Variants in TRAPPC9 observed in about 807,000 individuals in gnomAD.
The protein encoded by TRAPPC9 is IKK2 binding protein.
In TRAPPC9, 83 loss-of-function variants were observed where a neutral mutation model predicts 124.0. The observed-to-expected ratio is 0.67, with a 90% CI of 0.56 to 0.80. TRAPPC9 has a LOEUF of 0.80. TRAPPC9 is among the 30% of genes least tolerant of loss of function. The pLI, the probability that TRAPPC9 is intolerant of heterozygous loss-of-function variation, is 0.00. For missense variants in TRAPPC9, 1,302 were observed against 1,508.3 expected, an observed-to-expected ratio of 0.86 and a Z score of 2.27; for synonymous variants, 638 against 617.5, an observed-to-expected ratio of 1.03 and a Z score of -0.49.
intron 9 of TRAPPC9, among the ~76,000 whole-genome samples, chr8:140,356,541 C>T (rs980702968): frequency 3.3e-5 from 5 of 150,774 alleles, no homozygotes; most frequent in Non-Finnish European, 7.4e-5. Flanking sequence ...CAAACTCCAA[C>T]AGAAAAACAC....
At chr8:140,033,688 T>TTTTTTTTTTTTG (rs1840692085) in intron 17 of TRAPPC9, among the ~76,000 whole-genome samples, 1 of 115,080 alleles carries the variant, frequency 8.7e-6, no homozygotes, top group Non-Finnish European at 1.7e-5. Context: ...TTTTTTTTTT[T>TTTTTTTTTTTTG]TTTTTTTTTT....
chr8:140,257,658 G>A lies in TRAPPC9; in HGVS notation c.2279-4729C>T, dbSNP rs1243338434. The stretch of plus-strand genomic sequence containing the variant: ...CTTAAGTCCAGAACTCTGCCCCATC[G>A]TGTGCCTACTACTGGAAATGTCTTC... On this transcript the variant is annotated intron_variant, in intron 15 of 22. Coordinates refer to ENST00000438773, the MANE Select transcript of TRAPPC9 (RefSeq NM_001160372.4). This position sits in a 1 kb window ranked among gnomAD's most constrained non-coding sequence, Gnocchi z 4.6. Among the ~76,000 whole-genome samples the A allele has an allele frequency of 1.3e-5, 2 of 152,140 alleles. No individual in the cohort carries two copies. The highest frequency in any genetic ancestry group is 1.9e-4 in the East Asian group (1 of 5,182).
intron 17 of TRAPPC9, among the ~76,000 whole-genome samples, chr8:140,037,173 C>G (rs897500065): frequency 4.6e-5 from 7 of 152,006 alleles, no homozygotes; most frequent in African/African-American, 1.7e-4. Flanking sequence ...GCAGGCTGCC[C>G]GGGCTCAGAC....
At chr8:140,183,864 AG>A (rs1263471217) in intron 17 of TRAPPC9, among the ~76,000 whole-genome samples, 5 of 20,048 alleles carry the variant, frequency 2.5e-4, no homozygotes, top group Non-Finnish European at 3.1e-4. Context: ...AAAAAAAAAA[AG>A]AAGAAGAAGA....
chr8:140,230,498 GC>G (rs2063565531), intron 16 of TRAPPC9, among the ~76,000 whole-genome samples: 1 of 152,088 alleles, frequency 6.6e-6, no homozygotes, highest in East Asian at 1.9e-4. Flanking sequence ...TGTAGTCCCA[GC>G]CACTCAGGAG....
At position 140,455,264 on chromosome 8, in the gene TRAPPC9, C is replaced by G. The variant is rs935422627; in HGVS notation, c.-11+2375G>C. On this transcript the variant is annotated intron_variant, in intron 1 of 22. Coordinates refer to ENST00000438773, the MANE Select transcript of TRAPPC9 (RefSeq NM_001160372.4). ...TCTCATGCCTCGGCCTCCCGGGTAG[C>G]TGGGACTACAGGCGTGAGCCACCAT... is the stretch of plus-strand genomic sequence containing the variant. 4.6e-5 allele frequency among the ~76,000 whole-genome samples: 7 copies of G among 152,218 alleles called. No individual in the cohort carries two copies. In the South Asian group the frequency reaches 8.3e-4, roughly 18 times the overall value.
intron 8 of TRAPPC9, among the ~76,000 whole-genome samples, chr8:140,365,976 T>C (rs1017685383): frequency 6.6e-6 from 1 of 152,224 alleles, no homozygotes; most frequent in Non-Finnish European, 1.5e-5. Flanking sequence ...TATGTGGCCA[T>C]GTGTTCTCAT....
chr8:139,858,825 G>C (rs1023211177), intron 21 of TRAPPC9, among the ~76,000 whole-genome samples: 1 of 150,194 alleles, frequency 6.7e-6, no homozygotes, highest in Non-Finnish European at 1.5e-5. Context: ...TGTGAATCCG[G>C]GGGGGGCACA....
At chr8:140,454,514 C>T (rs2071580707) in intron 1 of TRAPPC9, among the ~76,000 whole-genome samples, 1 of 150,946 alleles carries the variant, frequency 6.6e-6, no homozygotes, top group Non-Finnish European at 1.5e-5. Flanking sequence ...GTGGCGCATG[C>T]CTGTGATCCC....
intron 21 of TRAPPC9, among the ~76,000 whole-genome samples, chr8:139,826,483 G>T (rs373559783): frequency 2.4e-4 from 37 of 152,290 alleles, no homozygotes; most frequent in African/African-American, 8.7e-4. Flanking sequence ...GTGCCTGGGG[G>T]GAACAGAGAC....
At position 140,135,228 on chromosome 8, in the gene TRAPPC9, G is replaced by A. The variant is rs971284288; in HGVS notation, c.2556+86231C>T. Among the ~76,000 whole-genome samples the A allele has an allele frequency of 2.0e-5, 3 of 152,148 alleles. 1 individual carries two copies. The highest frequency in any genetic ancestry group is 7.2e-5 in the African/African-American group (3 of 41,432). ...TGCATTGCTAGTGGGAGTGAAAATG[G>A]TGCAACCAATGTGGAAACTTTTGGT... On this transcript the variant is annotated intron_variant, in intron 17 of 22. Transcript: ENST00000438773.
At chr8:140,451,589 C>T (rs1240414014) in intron 1 of TRAPPC9, among the ~76,000 whole-genome samples, 1 of 152,176 alleles carries the variant, frequency 6.6e-6, no homozygotes, top group Non-Finnish European at 1.5e-5. Flanking sequence ...AGTCCCTTGG[C>T]CTCAGCATGG....
intron 5 of TRAPPC9, among the ~76,000 whole-genome samples, chr8:140,415,834 G>A (rs1015105355): frequency 2.0e-5 from 3 of 151,990 alleles, no homozygotes; most frequent in Non-Finnish European, 2.9e-5. Flanking sequence ...CAGGCATGGT[G>A]CATACCTGAA....
intron 9 of TRAPPC9, among the ~76,000 whole-genome samples, chr8:140,354,252 T>C (rs1446860629): frequency 6.6e-6 from 1 of 152,164 alleles, no homozygotes; most frequent in Non-Finnish European, 1.5e-5. Flanking sequence ...GCACAACCCA[T>C]GAGGCTTCAG....
intron 21 of TRAPPC9, among the ~76,000 whole-genome samples, chr8:139,884,368 G>A (rs539993658): frequency 6.6e-6 from 1 of 152,094 alleles, no homozygotes; most frequent in African/African-American, 2.4e-5. Flanking sequence ...CCTTACCTGG[G>A]GCTAGGGCTG....
chr8:139,989,709 T>C (rs1837500602), intron 18 of TRAPPC9, among the ~76,000 whole-genome samples: 1 of 152,138 alleles, frequency 6.6e-6, no homozygotes, highest in African/African-American at 2.4e-5. Context: ...AGCCGTCACT[T>C]CTTTGGGTGG....
intron 17 of TRAPPC9, among the ~76,000 whole-genome samples, chr8:140,157,005 T>TCCATTCAAAAGCCTCCCTTTC: frequency 1.0e-5 from 1 of 99,462 alleles, no homozygotes; most frequent in African/African-American, 4.0e-5. Flanking sequence ...GCCTCCCTTT[T>TCCATTCAAAAGCCTCCCTTTC]CCATTCAGAA....
At chr8:140,028,620 C>CCATG (rs1840303868) in intron 17 of TRAPPC9, among the ~76,000 whole-genome samples, 1 of 152,208 alleles carries the variant, frequency 6.6e-6, no homozygotes, top group Admixed American at 6.5e-5. Flanking sequence ...ATTCATTCAC[C>CCATG]CATGCAATCA....
chr8:139,937,472 C>A (rs1228086586), intron 19 of TRAPPC9, among the ~76,000 whole-genome samples: 2 of 152,184 alleles, frequency 1.3e-5, no homozygotes, highest in African/African-American at 4.8e-5. Flanking sequence ...TTCCTAGGAG[C>A]CCAAGGCGCT....
Sources: gnomAD v4.1 joint callset for allele counts (sites outside exome capture counted in the v4.1 genomes callset) on GRCh38, gnomAD v4.1.1 for gene constraint, Gnocchi (gnomAD v3.1) non-coding constraint, MANE v1.5 for transcripts, NCBI Gene and HGNC (gene_info 2026-07-23, HGNC 2026-07-21) for gene names.